The following ACCSL variants were observed in gnomAD, a reference collection of about 807,000 sequenced individuals.
ACCSL encodes probable inactive 1-aminocyclopropane-1-carboxylate synthase-like protein 2.
A neutral mutation model predicts 61.7 loss-of-function variants in ACCSL; 55 were observed. The ratio of observed to expected loss-of-function variants is 0.89; its 90% CI spans 0.72 to 1.12. ACCSL has a LOEUF of 1.12. Among genes scored for constraint, ACCSL ranks in the 50% most tolerant of loss-of-function variants. ACCSL has a pLI of 0.00. For synonymous variants in ACCSL, 258 were observed against 264.3 expected (o/e 0.98, Z 0.23); for missense variants, 632 against 698.0 (o/e 0.91, Z 1.07).
chr11:43,969,042 T>C, the ACCSL span, among the ~76,000 whole-genome samples: 1 of 152,182 alleles, frequency 6.6e-6, no homozygotes, highest in East Asian at 1.9e-4. Context: ...GATTATTAAG[T>C]AATTTTTAAA....
At chr11:43,932,106 T>G in the ACCSL span, among the ~76,000 whole-genome samples, 1 of 152,292 alleles carries the variant, frequency 6.6e-6, no homozygotes, top group South Asian at 2.1e-4. Context: ...GCGACCCTAA[T>G]TCTTGGAATC....
the ACCSL span, among the ~76,000 whole-genome samples, chr11:44,029,692 A>G: frequency 6.6e-6 from 1 of 152,124 alleles, no homozygotes; most frequent in African/African-American, 2.4e-5. Flanking sequence ...GATACCTTCT[A>G]ATTTCAAAGA....
the ACCSL span, among the ~76,000 whole-genome samples, chr11:43,970,908 T>C: frequency 3.9e-5 from 6 of 152,208 alleles, no homozygotes; most frequent in Non-Finnish European, 5.9e-5. Flanking sequence ...CCAATCCTAG[T>C]TGCTAGCACA....
chr11:44,038,446 A>G, the ACCSL span, among the ~76,000 whole-genome samples: 1 of 152,180 alleles, frequency 6.6e-6, no homozygotes, highest in African/African-American at 2.4e-5. Context: ...GGAGGTGATA[A>G]AAGAGCTTAG....
At chr11:44,003,600 G>T in the ACCSL span, among the ~76,000 whole-genome samples, 2 of 149,758 alleles carry the variant, frequency 1.3e-5, no homozygotes, top group Non-Finnish European at 2.9e-5. Flanking sequence ...CTGAGATCGC[G>T]CCACTACACT....
intron 3 of ACCSL, among the ~76,000 whole-genome samples, chr11:44,050,988 C>T (rs980685491): frequency 1.3e-4 from 20 of 151,896 alleles, no homozygotes; most frequent in African/African-American, 4.4e-4. Flanking sequence ...ACTACAGGTG[C>T]CCGCCACCAC....
the ACCSL span, among the ~76,000 whole-genome samples, chr11:43,982,330 C>T: frequency 1.3e-5 from 2 of 149,172 alleles, no homozygotes; most frequent in South Asian, 2.1e-4. Context: ...CAGGTTCTAG[C>T]GATTCTCGTG....
chr11:44,055,530 A>G (rs1952666085), intron 9 of ACCSL, among the ~76,000 whole-genome samples: 1 of 152,266 alleles, frequency 6.6e-6, no homozygotes, highest in South Asian at 2.1e-4. Flanking sequence ...AGGTCAAAAT[A>G]AAGCCTCATA....
chr11:43,964,263 G>C, the ACCSL span, among the ~76,000 whole-genome samples: 2 of 151,858 alleles, frequency 1.3e-5, no homozygotes, highest in Non-Finnish European at 2.9e-5. Context: ...CTAACACGGT[G>C]AAACCCCGTC....
the ACCSL span, chr11:43,943,351 GC>G: frequency 1.4e-6 from 2 of 1,393,376 alleles, no homozygotes; most frequent in Non-Finnish European, 1.9e-6. This position sits in a 1 kb window ranked among gnomAD's most constrained non-coding sequence, Gnocchi z 4.8. Flanking sequence ...GAGTGCCCGC[GC>G]CCTGCTCCCG....
chr11:43,942,435 G>A, the ACCSL span: 1 of 210,454 alleles, frequency 4.8e-6, no homozygotes. Context: ...AACCCCCGCG[G>A]GCGGGGCCTG....
At chr11:43,966,805 TG>T in the ACCSL span, among the ~76,000 whole-genome samples, 1 of 152,216 alleles carries the variant, frequency 6.6e-6, no homozygotes, top group Non-Finnish European at 1.5e-5. Flanking sequence ...TGGATTTGAC[TG>T]TTCTAGGACA....
chr11:43,969,959 A>G, the ACCSL span, among the ~76,000 whole-genome samples: 1 of 136,592 alleles, frequency 7.3e-6, no homozygotes. Context: ...TCAAATAGGT[A>G]TAGGGGGAGG....
chr11:44,015,536 G>A, the ACCSL span, among the ~76,000 whole-genome samples: 10 of 152,106 alleles, frequency 6.6e-5, no homozygotes, highest in African/African-American at 2.2e-4. Context: ...ACAAGACGCC[G>A]GCCCAAGACA....
At chr11:43,934,992 C>T in the ACCSL span, among the ~76,000 whole-genome samples, 1 of 152,266 alleles carries the variant, frequency 6.6e-6, no homozygotes, top group Admixed American at 6.5e-5. Flanking sequence ...CTGCTTCCAT[C>T]TCCCCACCCC....
the ACCSL span, chr11:43,922,344 G>A: frequency 6.6e-6 from 1 of 152,216 alleles, no homozygotes; most frequent in African/African-American, 2.4e-5. Flanking sequence ...GGCCTGTTTG[G>A]TTTCCCTTTG....
At chr11:43,971,143 G>A in the ACCSL span, among the ~76,000 whole-genome samples, 3 of 152,018 alleles carry the variant, frequency 2.0e-5, no homozygotes, top group South Asian at 6.2e-4. Flanking sequence ...GACCAGCCTG[G>A]CCAACATGGT....
the ACCSL span, among the ~76,000 whole-genome samples, chr11:43,998,127 C>A: frequency 2.0e-5 from 3 of 152,296 alleles, no homozygotes; most frequent in Admixed American, 1.3e-4. Context: ...AAGGGGGTGA[C>A]AATAGACTTC....
At chr11:44,046,264 T>C (rs1419137288), upstream of ACCSL, among the ~76,000 whole-genome samples, 1 of 152,212 alleles carries the variant, frequency 6.6e-6, no homozygotes, top group Non-Finnish European at 1.5e-5. Context: ...CTGAATAAAG[T>C]TTTTGCATTA....
Sources: allele counts gnomAD v4.1 joint callset (sites outside exome capture counted in the v4.1 genomes callset), GRCh38; gene constraint gnomAD v4.1.1; non-coding constraint Gnocchi (gnomAD v3.1); transcripts MANE v1.5; gene names NCBI Gene and HGNC (gene_info 2026-07-23, HGNC 2026-07-21).